HERC4: variants seen among roughly 807,000 people sequenced by gnomAD.
The protein encoded by HERC4 is probable E3 ubiquitin-protein ligase HERC4.
Under a neutral mutation model 124.3 loss-of-function variants are expected in HERC4, and 28 were observed. The ratio of observed to expected loss-of-function variants is 0.23; its 90% CI spans 0.17 to 0.31. The LOEUF (loss-of-function observed/expected upper bound fraction) is 0.31. Ranked by LOEUF, HERC4 falls within the 10% of genes least tolerant of loss-of-function variation. The pLI is 1.00. For synonymous variants in HERC4, 407 were observed against 421.5 expected (o/e 0.97, Z 0.42); for missense variants, 713 against 1,229.3 (o/e 0.58, Z 6.28).
intron 3 of HERC4, among the ~76,000 whole-genome samples, chr10:68,060,306 C>G (rs1564610977): frequency 6.6e-6 from 1 of 152,094 alleles, no homozygotes; most frequent in Non-Finnish European, 1.5e-5. Context: ...GGCACGATCT[C>G]AATTCACTGC....
intron 7 of HERC4, among the ~76,000 whole-genome samples, chr10:68,031,691 T>C (rs1224280937): frequency 2.0e-5 from 3 of 152,228 alleles, no homozygotes; most frequent in African/African-American, 7.2e-5. Context: ...AGAATAATTA[T>C]TGTCCTGCTA....
At chr10:67,980,846 GT>G (rs1421989913) in intron 15 of HERC4, among the ~76,000 whole-genome samples, 16 of 151,998 alleles carry the variant, frequency 1.1e-4, no homozygotes, top group Admixed American at 9.8e-4. Flanking sequence ...AAAATAATGG[GT>G]TATAAGATAG....
At chr10:67,994,431 TTTTA>T (rs1039126043) in intron 9 of HERC4, 5 of 152,188 alleles carry the variant, frequency 3.3e-5, no homozygotes, top group African/African-American at 9.7e-5. Context: ...CTTTTTTTAT[TTTTA>T]TTTATTTCTT....
chr10:68,072,302 C>A (rs971792278), intron 3 of HERC4, among the ~76,000 whole-genome samples: 7 of 152,064 alleles, frequency 4.6e-5, no homozygotes, highest in African/African-American at 1.7e-4. Flanking sequence ...ACAACTACTA[C>A]AAAATCAGGA....
At chr10:67,951,441 T>C (rs1007404021) in intron 19 of HERC4, among the ~76,000 whole-genome samples, 1 of 152,210 alleles carries the variant, frequency 6.6e-6, no homozygotes, top group African/African-American at 2.4e-5. Context: ...CCATATGGCA[T>C]TGTGGGATGC....
intron 9 of HERC4, among the ~76,000 whole-genome samples, chr10:68,013,261 T>C (rs1245482515): frequency 6.6e-6 from 1 of 152,248 alleles, no homozygotes; most frequent in Non-Finnish European, 1.5e-5. Flanking sequence ...AATATAACTT[T>C]TATATGCACT....
chr10:68,066,756 AAAGAG>A (rs1186902256), intron 3 of HERC4, among the ~76,000 whole-genome samples: 4 of 152,210 alleles, frequency 2.6e-5, no homozygotes, highest in Admixed American at 1.3e-4. Context: ...ATATAACAGA[AAAGAG>A]AAAAGACTGG....
intron 9 of HERC4, among the ~76,000 whole-genome samples, chr10:67,995,671 T>A (rs1367381643): frequency 6.6e-6 from 1 of 152,174 alleles, no homozygotes; most frequent in Non-Finnish European, 1.5e-5. Flanking sequence ...ATTTGCTTAA[T>A]TTTGACTCAC....
intron 9 of HERC4, chr10:67,996,137 C>T: frequency 2.2e-6 from 1 of 450,656 alleles, no homozygotes; most frequent in Non-Finnish European, 4.5e-6. Flanking sequence ...AAGACCTCGC[C>T]TCTACAAAAA....
intron 3 of HERC4, chr10:68,068,817 TCA>T (rs1283555649): frequency 6.5e-6 from 1 of 152,860 alleles, no homozygotes; most frequent in East Asian, 1.9e-4. Flanking sequence ...TAGGGTGGTC[TCA>T]AGATGTGCTA....
intron 5 of HERC4, among the ~76,000 whole-genome samples, chr10:68,036,168 A>G (rs1234097740): frequency 6.6e-6 from 1 of 151,974 alleles, no homozygotes; most frequent in Non-Finnish European, 1.5e-5. Flanking sequence ...AACGCAAAAA[A>G]TTAGCCAGGC....
intron 23 of HERC4, 94 bp downstream of exon 23, chr10:67,932,503 A>C (rs2031928803): frequency 5.7e-6 from 6 of 1,046,188 alleles, no homozygotes; most frequent in Non-Finnish European, 8.4e-6. Context: ...TGGTAGTAAT[A>C]AAGTGTATAA....
intron 5 of HERC4, among the ~76,000 whole-genome samples, chr10:68,036,952 T>G (rs2133399935): frequency 6.6e-6 from 1 of 152,242 alleles, no homozygotes; most frequent in South Asian, 2.1e-4. Context: ...GTCTGTCTCT[T>G]TCACTAGATT....
chr10:67,992,636 A>G lies in HERC4; in HGVS notation c.1116T>C (p.Asp372=). The part of the protein sequence containing the change: ...FCVKRIFSGG[D]QSFSHYSSPQ... Reference sequence around the variant, plus strand: ...GACTAGAGTAATGTGAAAAGCTTTGATCTCCCCCTGAGAAAATTCTTTTTA... The same window carrying G: ...GACTAGAGTAATGTGAAAAGCTTTGGTCTCCCCCTGAGAAAATTCTTTTTA... Residue 372 remains aspartate, a synonymous_variant, in exon 10 of 25, where the codon GAT becomes GAC. Transcript: ENST00000373700. 1 of 1,554,102 alleles carries G rather than the reference A, an allele frequency of 6.4e-7. No homozygotes were observed. Among genetic ancestry groups the G allele is most frequent in the Non-Finnish European group, 8.8e-7 (1 of 1,132,930 alleles).
chr10:68,061,145 G>C (rs2040988252), intron 3 of HERC4, among the ~76,000 whole-genome samples: 1 of 152,074 alleles, frequency 6.6e-6, no homozygotes, highest in Non-Finnish European at 1.5e-5. Context: ...ACAACTTATA[G>C]TTAAAATTAC....
chr10:67,995,008 A>G (rs771635499), intron 9 of HERC4: 4 of 257,324 alleles, frequency 1.6e-5, no homozygotes, highest in South Asian at 4.1e-5. Context: ...CCTTTTAATC[A>G]CTACTCGAAA....
chr10:68,003,173 T>C (rs1266815190), intron 9 of HERC4, among the ~76,000 whole-genome samples: 1 of 152,022 alleles, frequency 6.6e-6, no homozygotes, highest in Non-Finnish European at 1.5e-5. Context: ...TTTTTTTTTT[T>C]TGAGACGGAG....
At chr10:67,984,301 CAA>C (rs928310831) in intron 15 of HERC4, among the ~76,000 whole-genome samples, 25 of 67,814 alleles carry the variant, frequency 3.7e-4, no homozygotes, top group Admixed American at 1.1e-3. Flanking sequence ...GACTCCATCT[CAA>C]AAAAAAAAAA....
At chr10:68,075,110 G>A in intron 1 of HERC4, 34 bp downstream of exon 1, 2 of 153,264 alleles carry the variant, frequency 1.3e-5, no homozygotes, top group Non-Finnish European at 2.9e-5. Flanking sequence ...CCGCTGCTCC[G>A]CTGCTCCCCT....
Sources: allele counts gnomAD v4.1 joint callset (sites outside exome capture counted in the v4.1 genomes callset), GRCh38; gene constraint gnomAD v4.1.1; transcripts MANE v1.5; gene names NCBI Gene and HGNC (gene_info 2026-07-23, HGNC 2026-07-21).